KAZN: variants seen among roughly 807,000 people sequenced by gnomAD.
KAZN encodes the protein kazrin.
Under a neutral mutation model 87.4 loss-of-function variants are expected in KAZN, and 40 were observed. The ratio of observed to expected loss-of-function variants is 0.46; its 90% CI spans 0.36 to 0.60. KAZN has a LOEUF of 0.60. Among genes scored for constraint, KAZN ranks in the 20% least tolerant of loss-of-function variants. The probability of loss-of-function intolerance (pLI) is 0.00; values close to 1 mark genes in which losing one functional copy is unlikely to be tolerated. For missense variants in KAZN, 898 were observed against 1,073.9 expected (o/e 0.84, Z 2.29); for synonymous variants, 466 against 458.3 (o/e 1.02, Z -0.22).
Position 14,966,003 on chromosome 1 carries a change from A to G in KAZN, c.418+5128A>G, listed in dbSNP as rs1335568104. On this transcript the variant is annotated intron_variant, in intron 2 of 14. Transcript: ENST00000376030. ...TTTTCTTTTTTTTTTTTTTTTTGAGATAGTTTCACTGTGTCACCCAGGCTT... is the reference window on the plus strand; with the variant it reads ...TTTTCTTTTTTTTTTTTTTTTTGAGGTAGTTTCACTGTGTCACCCAGGCTT... Among the ~76,000 whole-genome samples, 4 of 100,488 alleles carry G rather than the reference A, an allele frequency of 4.0e-5. No individual in the cohort carries two copies. In the Admixed American group the frequency reaches 4.9e-4, roughly 12 times the overall value. The allele number at this position is 100,488 out of a possible 152,430, so 65.9% of individuals were successfully genotyped here.
At chr1:14,332,551 AGTT>A (rs1656924895) in intron 2 of KAZN, among the ~76,000 whole-genome samples, 1 of 151,820 alleles carries the variant, frequency 6.6e-6, no homozygotes, top group Admixed American at 6.6e-5. Flanking sequence ...TCTTTTATGG[AGTT>A]GTTTTATTTT....
intron 2 of KAZN, among the ~76,000 whole-genome samples, chr1:14,512,273 CAA>C (rs1670946281): frequency 6.6e-6 from 1 of 152,192 alleles, no homozygotes; most frequent in East Asian, 1.9e-4. Flanking sequence ...TAGTTGAGGG[CAA>C]AGTTTCTCCA....
rs117228212 is a variant in KAZN at position 14,116,381 on chromosome 1, C to T, written c.92-64054C>T. On this transcript the variant is annotated intron_variant, in intron 1 of 16. Transcript: ENST00000636203. ...TCCCAGCTGCTCCAGCCGTGGCTGA[C>T]AGGGGCCAACATAGAGCTTGGGTCT... Among the ~76,000 whole-genome samples, 33 of 152,312 alleles carry T rather than the reference C, an allele frequency of 2.2e-4. No individual in the cohort carries two copies. The East Asian group carries it at 6.4e-3, about 29-fold the overall frequency.
intron 2 of KAZN, among the ~76,000 whole-genome samples, chr1:14,977,251 G>A (rs1405207512): frequency 6.6e-6 from 1 of 152,194 alleles, no homozygotes; most frequent in Admixed American, 6.5e-5. Context: ...TCCTGTCCCC[G>A]CAGCTGGGTG....
At chr1:14,115,605 C>A (rs964611331) in intron 1 of KAZN, among the ~76,000 whole-genome samples, 8 of 152,160 alleles carry the variant, frequency 5.3e-5, no homozygotes, top group Non-Finnish European at 1.0e-4. Context: ...CTAAGCATGT[C>A]TTTATCAGCA....
At chr1:14,409,251 CT>C (rs1001139056) in intron 2 of KAZN, among the ~76,000 whole-genome samples, 1 of 152,154 alleles carries the variant, frequency 6.6e-6, no homozygotes, top group Non-Finnish European at 1.5e-5. Flanking sequence ...GAAAAGCCAT[CT>C]TAACACACAG....
chr1:14,877,729 G>C (rs1557580974), intron 1 of KAZN, among the ~76,000 whole-genome samples: 2 of 152,228 alleles, frequency 1.3e-5, no homozygotes, highest in South Asian at 4.1e-4. Flanking sequence ...GCGTGAGCCT[G>C]TTGGGGGCAA....
At chr1:14,571,556 TG>T (rs1253824222) in intron 2 of KAZN, among the ~76,000 whole-genome samples, 1 of 152,212 alleles carries the variant, frequency 6.6e-6, no homozygotes, top group African/African-American at 2.4e-5. Context: ...GCGCCTATGC[TG>T]TTTGAACCTT....
intron 2 of KAZN, among the ~76,000 whole-genome samples, chr1:14,471,125 C>T (rs1668432443): frequency 6.6e-6 from 1 of 152,168 alleles, no homozygotes; most frequent in Non-Finnish European, 1.5e-5. Context: ...AACTACCCAG[C>T]TAAGACATTC....
At chr1:13,893,598 C>T in exon 1 of KAZN, 3 of 1,529,812 alleles carry the variant, frequency 2.0e-6, no homozygotes, top group Non-Finnish European at 2.6e-6. Context: ...GCGACGGCAT[C>T]CTTTGCTCTG....
At chr1:13,946,156 G>A (rs1353867912) in intron 1 of KAZN, among the ~76,000 whole-genome samples, 1 of 152,164 alleles carries the variant, frequency 6.6e-6, no homozygotes, top group Non-Finnish European at 1.5e-5. Flanking sequence ...ATTAAGAAAT[G>A]CATTCTTTTG....
At chr1:14,644,002 C>CTTTTTTT (rs34535562) in intron 1 of KAZN, among the ~76,000 whole-genome samples, 86 of 60,346 alleles carry the variant, frequency 1.4e-3, no homozygotes, top group African/African-American at 1.8e-3. Context: ...CCTTTGCCCA[C>CTTTTTTT]TTTTTTTTTT....
At chr1:14,363,297 C>T (rs1034482914) in intron 2 of KAZN, among the ~76,000 whole-genome samples, 1 of 152,128 alleles carries the variant, frequency 6.6e-6, no homozygotes, top group African/African-American at 2.4e-5. Context: ...TAAACATCTC[C>T]GTCTCCCACC....
chr1:14,323,857 A>G (rs1656218843), intron 2 of KAZN, among the ~76,000 whole-genome samples: 1 of 152,128 alleles, frequency 6.6e-6, no homozygotes, highest in Admixed American at 6.5e-5. Context: ...TTGAGTTTTA[A>G]TTGAGTTTTA....
At chr1:14,072,448 A>G (rs1643284472) in intron 1 of KAZN, among the ~76,000 whole-genome samples, 1 of 152,114 alleles carries the variant, frequency 6.6e-6, no homozygotes, top group Non-Finnish European at 1.5e-5. Context: ...GGATTTCACC[A>G]CTTACCAACT....
chr1:14,466,056 G>A lies in KAZN; in HGVS notation c.250-132927G>A, dbSNP rs535397380. Among the ~76,000 whole-genome samples, 6 of 152,314 alleles carry A rather than the reference G, an allele frequency of 3.9e-5. No homozygotes were observed. In the South Asian group the frequency reaches 8.3e-4, roughly 21 times the overall value. ...CACACACAAGCGGCTATACCATACAGTTTAGGTAAATAGGAAGCTATATCA... is the reference window on the plus strand; with the variant it reads ...CACACACAAGCGGCTATACCATACAATTTAGGTAAATAGGAAGCTATATCA... On this transcript the variant is annotated intron_variant, in intron 2 of 16. Transcript: ENST00000636203.
At chr1:14,335,345 G>T (rs1657175040) in intron 2 of KAZN, among the ~76,000 whole-genome samples, 1 of 151,950 alleles carries the variant, frequency 6.6e-6, no homozygotes, top group Non-Finnish European at 1.5e-5. Context: ...TGGGACTATA[G>T]GCATGTGCCA....
intron 2 of KAZN, among the ~76,000 whole-genome samples, chr1:15,010,388 T>C (rs77785749): frequency 7.0e-4 from 4 of 5,690 alleles, no homozygotes; most frequent in Non-Finnish European, 1.8e-3. Flanking sequence ...TTGTCTTGCT[T>C]TTTTTTTTTT....
At chr1:14,689,135 C>T (rs1641132514) in intron 1 of KAZN, among the ~76,000 whole-genome samples, 1 of 152,194 alleles carries the variant, frequency 6.6e-6, no homozygotes, top group Admixed American at 6.5e-5. Context: ...GCTGAGTTTG[C>T]AGTGAGCCGA....
Sources: gnomAD v4.1 joint callset for allele counts (sites outside exome capture counted in the v4.1 genomes callset) on GRCh38, gnomAD v4.1.1 for gene constraint, MANE v1.5 for transcripts, NCBI Gene and HGNC (gene_info 2026-07-23, HGNC 2026-07-21) for gene names.